Variants in EML1 observed in about 807,000 individuals in gnomAD.
The protein encoded by EML1 is EMAP like 1, also known as echinoderm microtubule-associated protein-like 1.
EML1 carries 27 observed loss-of-function variants against 110.4 expected under a neutral mutation model. The ratio of observed to expected loss-of-function variants is 0.24; its 90% CI spans 0.18 to 0.34. The LOEUF (loss-of-function observed/expected upper bound fraction) is 0.34. EML1 is among the 10% of genes least tolerant of loss of function. The probability of loss-of-function intolerance (pLI) is 1.00; values close to 1 mark genes in which losing one functional copy is unlikely to be tolerated. For synonymous variants in EML1, 344 were observed against 385.8 expected, an observed-to-expected ratio of 0.89 and a Z score of 1.27; for missense variants, 741 against 1,030.9, an observed-to-expected ratio of 0.72 and a Z score of 3.85.
chr14:99,859,376 C>G (rs1001446275), intron 2 of EML1, among the ~76,000 whole-genome samples: 4 of 152,172 alleles, frequency 2.6e-5, no homozygotes, highest in Non-Finnish European at 4.4e-5. Flanking sequence ...CCCTTCACTT[C>G]CAGCGGGTTG....
intron 20 of EML1, among the ~76,000 whole-genome samples, chr14:99,938,494 C>T (rs558792421): frequency 3.3e-5 from 5 of 152,322 alleles, no homozygotes; most frequent in African/African-American, 1.2e-4. Context: ...AACGTGCATC[C>T]AGCCCTCTCC....
At chr14:99,825,751 G>T (rs1566884885) in intron 1 of EML1, among the ~76,000 whole-genome samples, 1 of 152,170 alleles carries the variant, frequency 6.6e-6, no homozygotes, top group Non-Finnish European at 1.5e-5. Flanking sequence ...CCAGCCCCTT[G>T]CCATGTATTT....
At chr14:99,738,446 G>C (rs905986190) in intron 1 of EML1, among the ~76,000 whole-genome samples, 3 of 152,250 alleles carry the variant, frequency 2.0e-5, no homozygotes, top group African/African-American at 7.2e-5. Flanking sequence ...GCCAGAGGCT[G>C]TGGTGGGGAC....
chr14:99,815,948 C>G (rs915381720), intron 1 of EML1, among the ~76,000 whole-genome samples: 12 of 152,110 alleles, frequency 7.9e-5, no homozygotes, highest in African/African-American at 2.9e-4. Context: ...TGTGGAGATT[C>G]TTGTGAAGCA....
chr14:99,824,772 T>C (rs1316483843), intron 1 of EML1, among the ~76,000 whole-genome samples: 2 of 151,590 alleles, frequency 1.3e-5, no homozygotes, highest in African/African-American at 4.9e-5. Flanking sequence ...TCCTCCCCCC[T>C]CCTACCCTCC....
At chr14:99,860,726 G>A (rs1442290892) in intron 2 of EML1, among the ~76,000 whole-genome samples, 1 of 152,178 alleles carries the variant, frequency 6.6e-6, no homozygotes, top group Non-Finnish European at 1.5e-5. Context: ...GGGATGAGCA[G>A]CAATTGGATC....
chr14:99,817,456 G>A (rs535677457), intron 1 of EML1, among the ~76,000 whole-genome samples: 150 of 152,316 alleles, frequency 9.8e-4, no homozygotes, highest in Non-Finnish European at 1.6e-3. Context: ...AGAGCACAGC[G>A]ACGTGGTGCC....
At chr14:99,770,779 A>ATTTTTTTT (rs34744469), upstream of EML1, among the ~76,000 whole-genome samples, 55 of 91,626 alleles carry the variant, frequency 6.0e-4, 3 homozygotes, top group African/African-American at 1.1e-3. Context: ...GTTTCCGCTG[A>ATTTTTTTT]TTTTTTTTTT....
At chr14:99,894,870 A>G in intron 6 of EML1, 112 bp downstream of exon 6, 1 of 1,333,954 alleles carries the variant, frequency 7.5e-7, no homozygotes, top group Non-Finnish European at 9.9e-7. Context: ...TAAAAAACAA[A>G]ATGTTTTACT....
chr14:99,775,687 C>T, intron 1 of EML1, among the ~76,000 whole-genome samples: 1 of 152,150 alleles, frequency 6.6e-6, no homozygotes, highest in East Asian at 1.9e-4. Context: ...AGTGAGTGGC[C>T]CAGCCGCCAT....
chr14:99,849,557 GT>G (rs2058758603), intron 1 of EML1, among the ~76,000 whole-genome samples: 1 of 150,228 alleles, frequency 6.7e-6, no homozygotes, highest in Non-Finnish European at 1.5e-5. Flanking sequence ...TTATTTATTT[GT>G]TTATTTTGAG....
At chr14:99,793,359 C>T, upstream of EML1, 1 of 988,658 alleles carries the variant, frequency 1.0e-6, no homozygotes, top group Non-Finnish European at 1.2e-6. Flanking sequence ...CAGCAGCAGC[C>T]GCCACAGCAG....
At chr14:99,831,469 G>A (rs907223373) in intron 1 of EML1, among the ~76,000 whole-genome samples, 6 of 152,108 alleles carry the variant, frequency 3.9e-5, no homozygotes, top group African/African-American at 1.4e-4. Context: ...TGTGGGCCAG[G>A]GCCTCTCATC....
intron 2 of EML1, among the ~76,000 whole-genome samples, chr14:99,862,156 C>T (rs2059012778): frequency 6.6e-6 from 1 of 152,210 alleles, no homozygotes; most frequent in South Asian, 2.1e-4. Flanking sequence ...TATCCTTCAC[C>T]TTGGCTTCGC....
chr14:99,764,544 A>G (rs900681342), intron 1 of EML1, among the ~76,000 whole-genome samples: 1 of 152,224 alleles, frequency 6.6e-6, no homozygotes, highest in African/African-American at 2.4e-5. Flanking sequence ...GCAGGCTTTC[A>G]GCAGCGAGCT....
intron 1 of EML1, among the ~76,000 whole-genome samples, chr14:99,834,272 A>G (rs1038414817): frequency 1.3e-5 from 2 of 150,606 alleles, no homozygotes; most frequent in South Asian, 2.1e-4. Flanking sequence ...TCTTTTTTAT[A>G]TAAGACTTTC....
chr14:99,785,739 C>A (rs1231963397), intron 1 of EML1, among the ~76,000 whole-genome samples: 6 of 152,142 alleles, frequency 3.9e-5, no homozygotes, highest in African/African-American at 1.4e-4. Flanking sequence ...TCTGTGTTAC[C>A]AGACCGAATT....
rs2058385104 is a variant in EML1, at chr14:99,827,804, A to C, written c.68-23049A>C. The stretch of plus-strand genomic sequence containing the variant: ...GGATTGTTTAAGCCCCCCAGTCTGT[A>C]GTACTTTGTTATGGCAGCCCTAGCA... On this transcript the variant is annotated intron_variant, in intron 1 of 21. Transcript: ENST00000262233. The surrounding 1 kb of genome is among the most constrained non-coding windows in gnomAD (Gnocchi z 4.4). Among the ~76,000 whole-genome samples the C allele has an allele frequency of 1.3e-5, 2 of 152,146 alleles. No homozygotes were observed. The highest frequency in any genetic ancestry group is 4.8e-5 in the African/African-American group (2 of 41,444).
At chr14:99,859,003 T>G (rs2058954343) in intron 2 of EML1, among the ~76,000 whole-genome samples, 1 of 152,224 alleles carries the variant, frequency 6.6e-6, no homozygotes, top group Non-Finnish European at 1.5e-5. Context: ...GATCATTAGA[T>G]TATAACTTAA....
Sources: allele counts gnomAD v4.1 joint callset (sites outside exome capture counted in the v4.1 genomes callset), GRCh38; gene constraint gnomAD v4.1.1; non-coding constraint Gnocchi (gnomAD v3.1); transcripts MANE v1.5; gene names NCBI Gene and HGNC (gene_info 2026-07-23, HGNC 2026-07-21).